Variants in UBL3 observed in about 807,000 individuals in gnomAD.
UBL3 encodes the protein ubiquitin like 3.
Under a neutral mutation model 18.4 loss-of-function variants are expected in UBL3, and 6 were observed. The observed-to-expected ratio is 0.33, with a 90% CI of 0.18 to 0.64. The LOEUF is 0.64. Among genes scored for constraint, UBL3 ranks in the 30% least tolerant of loss-of-function variants. The pLI is 0.76. For missense variants in UBL3, 109 were observed against 142.9 expected (o/e 0.76, Z 1.21); for synonymous variants, 49 against 46.6 (o/e 1.05, Z -0.21).
intron 1 of UBL3, among the ~76,000 whole-genome samples, chr13:29,786,789 T>C (rs1032858523): frequency 6.6e-6 from 1 of 152,214 alleles, no homozygotes; most frequent in Non-Finnish European, 1.5e-5. Flanking sequence ...GATTCTAATA[T>C]TTATTAAATG....
intron 1 of UBL3, among the ~76,000 whole-genome samples, chr13:29,781,292 A>C (rs2139315685): frequency 1.3e-5 from 2 of 152,328 alleles, no homozygotes; most frequent in Non-Finnish European, 2.9e-5. Context: ...ATATATGTAC[A>C]AACTAAAGTC....
intron 1 of UBL3, among the ~76,000 whole-genome samples, chr13:29,800,787 C>T (rs1342195249): frequency 6.6e-6 from 1 of 152,204 alleles, no homozygotes; most frequent in Non-Finnish European, 1.5e-5. Flanking sequence ...CTGGTAGCAG[C>T]TCTGAACCTC....
intron 1 of UBL3, 147 bp from the exon 2 acceptor site, chr13:29,777,410 A>T (rs1357049964): frequency 4.2e-6 from 3 of 719,568 alleles, no homozygotes; most frequent in African/African-American, 3.6e-5. Flanking sequence ...AAACTTTTTT[A>T]AAAAGAATGG....
chr13:29,789,749 T>G (rs903329149), intron 1 of UBL3, among the ~76,000 whole-genome samples: 1 of 152,256 alleles, frequency 6.6e-6, no homozygotes, highest in East Asian at 1.9e-4. Context: ...AAAATTTTAC[T>G]TGTAATGGAA....
intron 1 of UBL3, among the ~76,000 whole-genome samples, chr13:29,789,841 T>C (rs1036119818): frequency 6.6e-6 from 1 of 152,248 alleles, no homozygotes; most frequent in Non-Finnish European, 1.5e-5. Context: ...CTACTTATTG[T>C]TCGGGGGAAT....
At chr13:29,828,558 A>G (rs1038541764) in intron 1 of UBL3, among the ~76,000 whole-genome samples, 1 of 152,090 alleles carries the variant, frequency 6.6e-6, no homozygotes, top group African/African-American at 2.4e-5. Context: ...TACACTGGTT[A>G]TTCTAGTTAG....
intron 1 of UBL3, among the ~76,000 whole-genome samples, chr13:29,826,198 G>A (rs1878614732): frequency 6.6e-6 from 1 of 152,184 alleles, no homozygotes; most frequent in South Asian, 2.1e-4. Flanking sequence ...GTGTCAGGAT[G>A]ATGCTGGCCT....
At chr13:29,806,136 C>G (rs759188799) in intron 1 of UBL3, among the ~76,000 whole-genome samples, 3 of 152,124 alleles carry the variant, frequency 2.0e-5, no homozygotes, top group Admixed American at 6.6e-5. Context: ...AAGATTGCAC[C>G]ACTGCACTCC....
At chr13:29,842,589 C>A (rs1247494083) in intron 1 of UBL3, among the ~76,000 whole-genome samples, 1 of 152,174 alleles carries the variant, frequency 6.6e-6, no homozygotes, top group Non-Finnish European at 1.5e-5. Context: ...TTAAGAGTTT[C>A]TTTATCTATA....
chr13:29,775,128 G>A (rs1030575357), intron 2 of UBL3, among the ~76,000 whole-genome samples: 1 of 152,206 alleles, frequency 6.6e-6, no homozygotes, highest in South Asian at 2.1e-4. Flanking sequence ...CAGTATTCAT[G>A]CTGTAAGCAG....
intron 1 of UBL3, among the ~76,000 whole-genome samples, chr13:29,782,541 C>T (rs893200673): frequency 2.0e-5 from 3 of 152,108 alleles, no homozygotes; most frequent in East Asian, 3.8e-4. Flanking sequence ...TATGAATCTT[C>T]GGTTTGACAC....
intron 1 of UBL3, among the ~76,000 whole-genome samples, chr13:29,841,868 G>C (rs1879109419): frequency 6.6e-6 from 1 of 152,162 alleles, no homozygotes; most frequent in African/African-American, 2.4e-5. Flanking sequence ...TGTGATATCT[G>C]AAAGATAGAA....
At chr13:29,782,630 A>G (rs1317156567) in intron 1 of UBL3, among the ~76,000 whole-genome samples, 14 of 152,174 alleles carry the variant, frequency 9.2e-5, no homozygotes, top group Admixed American at 7.9e-4. Context: ...AAAACATTTG[A>G]GTTTGTTAAC....
At chr13:29,777,854 C>G (rs949495636) in intron 1 of UBL3, among the ~76,000 whole-genome samples, 1 of 152,102 alleles carries the variant, frequency 6.6e-6, no homozygotes, top group Non-Finnish European at 1.5e-5. Context: ...GCAACCTCGG[C>G]CTCCCAAGCT....
At chr13:29,796,393 C>T (rs1877614607) in intron 1 of UBL3, among the ~76,000 whole-genome samples, 1 of 152,138 alleles carries the variant, frequency 6.6e-6, no homozygotes, top group South Asian at 2.1e-4. Flanking sequence ...AGATTTTAAA[C>T]TGCAATTATA....
intron 1 of UBL3, among the ~76,000 whole-genome samples, chr13:29,815,145 T>C (rs748633965): frequency 6.6e-6 from 1 of 152,076 alleles, no homozygotes; most frequent in Non-Finnish European, 1.5e-5. Flanking sequence ...GAAATGTCAA[T>C]CCAGTGTGTA....
intron 1 of UBL3, among the ~76,000 whole-genome samples, chr13:29,780,491 A>C (rs1877126469): frequency 1.3e-5 from 2 of 149,732 alleles, no homozygotes; most frequent in South Asian, 4.2e-4. Context: ...GCTTTTGATA[A>C]AATAGAAACT....
chr13:29,830,373 G>C (rs965989485), intron 1 of UBL3, among the ~76,000 whole-genome samples: 2 of 152,194 alleles, frequency 1.3e-5, no homozygotes, highest in African/African-American at 4.8e-5. Context: ...TAGGGAAAAA[G>C]TTTTCCCAGC....
chr13:29,791,468 T>C (rs529135845), intron 1 of UBL3, among the ~76,000 whole-genome samples: 2 of 152,302 alleles, frequency 1.3e-5, no homozygotes, highest in Non-Finnish European at 2.9e-5. Flanking sequence ...AGATCAAATA[T>C]TTACAATCCA....
Sources: allele counts gnomAD v4.1 joint callset (sites outside exome capture counted in the v4.1 genomes callset), GRCh38; gene constraint gnomAD v4.1.1; transcripts MANE v1.5; gene names NCBI Gene and HGNC (gene_info 2026-07-23, HGNC 2026-07-21).